Variants in CTNNA2 observed in about 807,000 individuals in gnomAD.
The protein encoded by CTNNA2 is catenin alpha-2.
Under a neutral mutation model 101.0 loss-of-function variants are expected in CTNNA2, and 42 were observed. The observed-to-expected ratio is 0.42, with a 90% CI of 0.32 to 0.54. The LOEUF (loss-of-function observed/expected upper bound fraction) is 0.54. CTNNA2 is among the 20% of genes least tolerant of loss of function. The probability of loss-of-function intolerance (pLI) is 0.14; values close to 1 mark genes in which losing one functional copy is unlikely to be tolerated. For synonymous variants in CTNNA2, 450 were observed against 456.4 expected, an observed-to-expected ratio of 0.99 and a Z score of 0.18; for missense variants, 871 against 1,223.1, an observed-to-expected ratio of 0.71 and a Z score of 4.29.
chr2:79,490,500 G>A (rs539844942), intron 4 of CTNNA2, among the ~76,000 whole-genome samples: 1 of 152,232 alleles, frequency 6.6e-6, no homozygotes, highest in East Asian at 1.9e-4. Flanking sequence ...TATATATGTA[G>A]TATTTTGAGA....
At chr2:80,475,140 A>AT (rs1229158286) in intron 9 of CTNNA2, among the ~76,000 whole-genome samples, 2 of 152,198 alleles carry the variant, frequency 1.3e-5, no homozygotes, top group African/African-American at 2.4e-5. Context: ...GTTTCTTCAA[A>AT]TAACTTAACG....
intron 1 of CTNNA2, among the ~76,000 whole-genome samples, chr2:79,580,358 C>G (rs1241046267): frequency 6.6e-6 from 1 of 152,100 alleles, no homozygotes; most frequent in Non-Finnish European, 1.5e-5. Context: ...AAGGGCTGTG[C>G]GCCAAAGAAT....
chr2:79,535,755 G>A (rs1286321558), intron 1 of CTNNA2, among the ~76,000 whole-genome samples: 2 of 152,072 alleles, frequency 1.3e-5, no homozygotes, highest in African/African-American at 4.8e-5. Context: ...GGAAAATCAA[G>A]GTGCTTAGAA....
intron 7 of CTNNA2, among the ~76,000 whole-genome samples, chr2:80,152,411 T>C (rs775366607): frequency 6.6e-6 from 1 of 152,112 alleles, no homozygotes; most frequent in Non-Finnish European, 1.5e-5. Context: ...GAGTCACTAC[T>C]ACAAGTTTTT....
chr2:79,515,874 G>C (rs930429609), intron 1 of CTNNA2, among the ~76,000 whole-genome samples: 4 of 152,146 alleles, frequency 2.6e-5, no homozygotes, highest in African/African-American at 9.7e-5. Flanking sequence ...CCTGTAAAAT[G>C]TATTCCGGAT....
chr2:79,714,477 G>C (rs1685941586), intron 2 of CTNNA2, among the ~76,000 whole-genome samples: 1 of 152,120 alleles, frequency 6.6e-6, no homozygotes, highest in African/African-American at 2.4e-5. Flanking sequence ...GGCTATCATA[G>C]ATTATGCTGG....
chr2:80,022,221 G>A (rs973149985), intron 7 of CTNNA2, among the ~76,000 whole-genome samples: 5 of 152,244 alleles, frequency 3.3e-5, no homozygotes, highest in South Asian at 2.1e-4. Flanking sequence ...CTTAGTCATC[G>A]TTTATTTATT....
chr2:79,375,647 T>C (rs1162999673), intron 4 of CTNNA2, among the ~76,000 whole-genome samples: 2 of 152,182 alleles, frequency 1.3e-5, no homozygotes, highest in South Asian at 4.1e-4. Context: ...ATGAATGATA[T>C]TAAAGAAAGA....
chr2:80,158,910 CA>C (rs57487842), intron 7 of CTNNA2, among the ~76,000 whole-genome samples: 10,322 of 88,928 alleles, frequency 0.12, 1,047 homozygotes, highest in African/African-American at 0.31. Flanking sequence ...GACTCCGTCT[CA>C]AAAAAAAAAA....
chr2:79,911,166 C>T (rs2104330563), intron 7 of CTNNA2, among the ~76,000 whole-genome samples: 1 of 152,310 alleles, frequency 6.6e-6, no homozygotes, highest in East Asian at 1.9e-4. Context: ...ACCCCACAGT[C>T]TCCCAGCTGA....
At chr2:80,315,669 T>C (rs1678049652) in intron 7 of CTNNA2, among the ~76,000 whole-genome samples, 1 of 152,200 alleles carries the variant, frequency 6.6e-6, no homozygotes, top group Non-Finnish European at 1.5e-5. Flanking sequence ...TGTTGTCTGT[T>C]AACTAAAGCC....
chr2:79,294,094 G>T (rs902878219), intron 2 of CTNNA2, among the ~76,000 whole-genome samples: 1 of 152,024 alleles, frequency 6.6e-6, no homozygotes, highest in Non-Finnish European at 1.5e-5. Context: ...TGAAGACTGG[G>T]AAGTCCAAGA....
At chr2:79,584,299 T>C (rs1676331639) in intron 1 of CTNNA2, among the ~76,000 whole-genome samples, 1 of 152,164 alleles carries the variant, frequency 6.6e-6, no homozygotes, top group Non-Finnish European at 1.5e-5. Context: ...AAAATTAGAA[T>C]TGCTAATTTC....
intron 7 of CTNNA2, among the ~76,000 whole-genome samples, chr2:80,052,843 C>T (rs1428725983): frequency 1.3e-5 from 2 of 152,190 alleles, no homozygotes; most frequent in Non-Finnish European, 2.9e-5. Flanking sequence ...CTCAAGGAAG[C>T]AGCTTCGGAG....
At chr2:79,593,614 C>T (rs1287140973) in intron 1 of CTNNA2, among the ~76,000 whole-genome samples, 1 of 152,066 alleles carries the variant, frequency 6.6e-6, no homozygotes, top group Non-Finnish European at 1.5e-5. Context: ...GGTTTCTCTG[C>T]CGTCCTTCTT....
At chr2:80,043,109 C>G (rs111336242) in intron 7 of CTNNA2, among the ~76,000 whole-genome samples, 1 of 59,654 alleles carries the variant, frequency 1.7e-5, no homozygotes, top group African/African-American at 5.0e-5. Flanking sequence ...CTCTCTCTCT[C>G]TCTTTCTTTC....
chr2:80,367,235 T>C (rs1675022012), intron 7 of CTNNA2, among the ~76,000 whole-genome samples: 1 of 152,146 alleles, frequency 6.6e-6, no homozygotes, highest in African/African-American at 2.4e-5. Flanking sequence ...ACACTGTTTT[T>C]CCCTTCTATT....
intron 7 of CTNNA2, among the ~76,000 whole-genome samples, chr2:79,953,608 G>T (rs1469522277): frequency 6.6e-6 from 1 of 152,176 alleles, no homozygotes; most frequent in East Asian, 1.9e-4. Flanking sequence ...ACAGACAGGC[G>T]ATTATTGGGT....
At chr2:79,685,514 C>T (rs1317737201) in intron 2 of CTNNA2, among the ~76,000 whole-genome samples, 7 of 152,132 alleles carry the variant, frequency 4.6e-5, no homozygotes, top group African/African-American at 9.7e-5. Context: ...CAACATGCGA[C>T]CCCCAAGGTT....
Sources: allele counts gnomAD v4.1 joint callset (sites outside exome capture counted in the v4.1 genomes callset), GRCh38; gene constraint gnomAD v4.1.1; transcripts MANE v1.5; gene names NCBI Gene and HGNC (gene_info 2026-07-23, HGNC 2026-07-21).